FGF14: variants seen among roughly 807,000 people sequenced by gnomAD.
FGF14 encodes the protein fibroblast growth factor homologous factor 4.
A neutral mutation model predicts 25.5 loss-of-function variants in FGF14; 5 were observed. That is an observed-to-expected ratio of 0.20 (90% CI 0.10 to 0.41). The LOEUF (loss-of-function observed/expected upper bound fraction) is 0.41. Ranked by LOEUF, FGF14 falls within the 10% of genes least tolerant of loss-of-function variation. FGF14 has a pLI of 1.00. For synonymous variants in FGF14, 138 were observed against 118.3 expected (o/e 1.17, Z -1.08); for missense variants, 222 against 320.1 (o/e 0.69, Z 2.34).
At chr13:101,827,767 A>T (rs986457893) in intron 3 of FGF14, among the ~76,000 whole-genome samples, 14 of 151,904 alleles carry the variant, frequency 9.2e-5, no homozygotes, top group African/African-American at 3.1e-4. Flanking sequence ...ACTTAAGTAA[A>T]ACCAAAGCAC....
chr13:102,399,653 GGT>G (rs939368151), intron 1 of FGF14, among the ~76,000 whole-genome samples: 4 of 152,198 alleles, frequency 2.6e-5, no homozygotes, highest in African/African-American at 9.7e-5. Context: ...TAGACATGCG[GGT>G]GGAAAGGTGA....
chr13:102,315,246 G>C (rs2055964971), intron 1 of FGF14, among the ~76,000 whole-genome samples: 3 of 152,100 alleles, frequency 2.0e-5, no homozygotes, highest in African/African-American at 7.2e-5. Context: ...CTGTAAAGGG[G>C]ATCTTTTTGA....
At chr13:102,019,356 C>CT (rs1207238553) in intron 1 of FGF14, among the ~76,000 whole-genome samples, 1 of 152,134 alleles carries the variant, frequency 6.6e-6, no homozygotes, top group African/African-American at 2.4e-5. Context: ...TCAGGACACC[C>CT]TCTGTGTCTA....
intron 1 of FGF14, among the ~76,000 whole-genome samples, chr13:101,932,533 C>CAAAAAAA (rs60522790): frequency 0.25 from 19,491 of 77,418 alleles, 4,051 homozygotes; most frequent in African/African-American, 0.59. Context: ...GACTCCATGT[C>CAAAAAAA]AAAAAAAAAA....
intron 1 of FGF14, among the ~76,000 whole-genome samples, chr13:102,267,954 CA>C (rs202149885): frequency 7.5e-5 from 11 of 145,806 alleles, no homozygotes; most frequent in Admixed American, 1.4e-4. Context: ...TCAAAAAATA[CA>C]AAAAAAAAGA....
rs143761695 is a variant in FGF14 at position 101,763,467 on chromosome 13, A to G, written c.409-36657T>C. ...CTTTAATGACAAGATTGAGACAGGC[A>G]TAGTGAAGGAACTTTGTGTGTGGAG... On this transcript the variant is annotated intron_variant, in intron 3 of 4. Coordinates refer to ENST00000376143, the MANE Select transcript of FGF14 (RefSeq NM_004115.4). Among the ~76,000 whole-genome samples, 51 of 152,358 alleles carry G rather than the reference A, an allele frequency of 3.3e-4. No individual in the cohort carries two copies. In the East Asian group the frequency reaches 9.6e-3, roughly 29 times the overall value.
At chr13:101,944,466 A>G (rs1346895497) in intron 1 of FGF14, among the ~76,000 whole-genome samples, 3 of 152,162 alleles carry the variant, frequency 2.0e-5, no homozygotes, top group Non-Finnish European at 2.9e-5. Context: ...TTTATTTATT[A>G]AAACAGATGT....
chr13:101,919,497 C>A (rs554329782), upstream of FGF14, among the ~76,000 whole-genome samples: 12 of 151,920 alleles, frequency 7.9e-5, no homozygotes, highest in East Asian at 2.3e-3. Context: ...TCTATTTTTG[C>A]AGGCATTTTC....
At chr13:102,110,249 T>G (rs1203395096) in intron 1 of FGF14, among the ~76,000 whole-genome samples, 1 of 152,184 alleles carries the variant, frequency 6.6e-6, no homozygotes, top group Admixed American at 6.5e-5. Flanking sequence ...GAAAGCAGTG[T>G]TTTTTTCCCC....
intron 1 of FGF14, among the ~76,000 whole-genome samples, chr13:101,939,010 C>A (rs1376333882): frequency 6.6e-6 from 1 of 152,180 alleles, no homozygotes; most frequent in African/African-American, 2.4e-5. Context: ...CATTGTACAT[C>A]ATGCAGCACA....
intron 1 of FGF14, among the ~76,000 whole-genome samples, chr13:102,174,687 C>T (rs941680592): frequency 6.6e-6 from 1 of 152,218 alleles, no homozygotes; most frequent in African/African-American, 2.4e-5. Context: ...AAAGCAAACA[C>T]CACATGTTCT....
At chr13:102,260,888 G>A (rs1346878691) in intron 1 of FGF14, among the ~76,000 whole-genome samples, 1 of 152,168 alleles carries the variant, frequency 6.6e-6, no homozygotes, top group African/African-American at 2.4e-5. Context: ...TCTCAACAGA[G>A]AAGTTACTTG....
In FGF14 at chr13:101,785,941, A is replaced by G. The variant is rs548385233; in HGVS notation, c.409-59131T>C. Among the ~76,000 whole-genome samples the G allele has an allele frequency of 9.2e-5, 14 of 152,364 alleles. No individual in the cohort carries two copies. The South Asian group carries it at 2.7e-3, about 29-fold the overall frequency. The stretch of plus-strand genomic sequence containing the variant: ...TGCCCAAGTTTCATTGTCACCTGCC[A>G]GGAACTGAACTGGACATAAGATTCA... On this transcript the variant is annotated intron_variant, in intron 3 of 4. Coordinates refer to ENST00000376143, the MANE Select transcript of FGF14 (RefSeq NM_004115.4).
intron 1 of FGF14, among the ~76,000 whole-genome samples, chr13:102,120,232 T>A (rs1241573151): frequency 6.6e-6 from 1 of 152,018 alleles, no homozygotes; most frequent in Non-Finnish European, 1.5e-5. Flanking sequence ...GGGGAAGATA[T>A]GGGCCTAATA....
intron 1 of FGF14, among the ~76,000 whole-genome samples, chr13:102,184,121 T>C (rs2048786848): frequency 6.6e-6 from 1 of 152,146 alleles, no homozygotes; most frequent in South Asian, 2.1e-4. Flanking sequence ...CCTGCTGTAC[T>C]CGTAGACACA....
At chr13:101,955,869 G>A (rs116634466) in intron 1 of FGF14, among the ~76,000 whole-genome samples, 96 of 152,262 alleles carry the variant, frequency 6.3e-4, no homozygotes, top group African/African-American at 2.2e-3. Flanking sequence ...TTCATTAACC[G>A]AATTTTTTAA....
chr13:101,774,964 C>A (rs2039007609), intron 3 of FGF14, among the ~76,000 whole-genome samples: 1 of 132,112 alleles, frequency 7.6e-6, no homozygotes. Flanking sequence ...AATGAAACTC[C>A]ATCTCAAAAA....
chr13:101,786,784 T>C (rs2039855919), intron 3 of FGF14, among the ~76,000 whole-genome samples: 1 of 152,214 alleles, frequency 6.6e-6, no homozygotes, highest in African/African-American at 2.4e-5. Context: ...CTTTTCTTTT[T>C]CCAGATCATC....
chr13:102,327,215 T>C (rs1361893861), intron 1 of FGF14, among the ~76,000 whole-genome samples: 1 of 152,216 alleles, frequency 6.6e-6, no homozygotes, highest in Non-Finnish European at 1.5e-5. Flanking sequence ...TTCAGTAACA[T>C]TAATGTTAAT....
Sources: allele counts gnomAD v4.1 joint callset (sites outside exome capture counted in the v4.1 genomes callset), GRCh38; gene constraint gnomAD v4.1.1; transcripts MANE v1.5; gene names NCBI Gene and HGNC (gene_info 2026-07-23, HGNC 2026-07-21).